Variants in CNGB1 observed in about 807,000 individuals in gnomAD.
CNGB1 encodes cyclic nucleotide-gated channel beta-1.
A neutral mutation model predicts 151.7 loss-of-function variants in CNGB1; 126 were observed. The ratio of observed to expected loss-of-function variants is 0.83; its 90% confidence interval spans 0.72 to 0.96. The LOEUF (loss-of-function observed/expected upper bound fraction) is 0.96, where lower values mean the gene tolerates loss of function less well. Ranked by LOEUF, CNGB1 falls within the 40% of genes least tolerant of loss-of-function variation. The pLI is 0.00. For missense variants in CNGB1, 1,698 were observed against 1,627.0 expected, an observed-to-expected ratio of 1.04 and a Z score of -0.75; for synonymous variants, 623 against 635.1, an observed-to-expected ratio of 0.98 and a Z score of 0.29.
intron 27 of CNGB1, among the ~76,000 whole-genome samples, chr16:57,903,231 C>T (rs1451134526): frequency 1.0e-4 from 15 of 149,758 alleles, no homozygotes; most frequent in Admixed American, 4.7e-4. Flanking sequence ...CGGCCTCACA[C>T]CTGTAATCCC....
At chr16:57,951,193 A>G (rs529415712) in intron 12 of CNGB1, among the ~76,000 whole-genome samples, 1 of 152,276 alleles carries the variant, frequency 6.6e-6, no homozygotes, top group African/African-American at 2.4e-5. Context: ...TGGGCCTATA[A>G]GCCTGGCAGA....
chr16:57,955,125 T>A, intron 12 of CNGB1: 1 of 1,433,270 alleles, frequency 7.0e-7, no homozygotes, highest in Non-Finnish European at 9.1e-7. Context: ...ATGGCTGGCC[T>A]TCCCCTTGTT....
At chr16:57,890,559 G>T (rs2149352863) in intron 31 of CNGB1, among the ~76,000 whole-genome samples, 1 of 152,324 alleles carries the variant, frequency 6.6e-6, no homozygotes, top group Non-Finnish European at 1.5e-5. Context: ...AGGGAAATTT[G>T]TCCTCATTTT....
At chr16:57,939,696 T>C (rs902498868) in intron 15 of CNGB1, 104 bp from the exon 16 acceptor site, 7 of 1,498,396 alleles carry the variant, frequency 4.7e-6, no homozygotes, top group Non-Finnish European at 6.5e-6. Flanking sequence ...TGGGCCCAGT[T>C]CTGCTTCTTG....
intron 24 of CNGB1, 62 bp downstream of exon 24, chr16:57,912,868 G>A: frequency 6.6e-7 from 1 of 1,508,708 alleles, no homozygotes; most frequent in Non-Finnish European, 9.2e-7. Flanking sequence ...TGTATTGCGT[G>A]TGTTGTGTGT....
chr16:57,952,418 C>CTTCCT (rs760181462), intron 12 of CNGB1, among the ~76,000 whole-genome samples: 154 of 146,614 alleles, frequency 1.1e-3, no homozygotes, highest in Non-Finnish European at 1.9e-3. Flanking sequence ...TGCTTCCACA[C>CTTCCT]TTCCTTTCCT....
At chr16:57,939,387 C>T (rs368425019) in intron 16 of CNGB1, 43 bp downstream of exon 16, 6 of 1,613,222 alleles carry the variant, frequency 3.7e-6, no homozygotes, top group Non-Finnish European at 5.1e-6. Flanking sequence ...AAAAGGACCT[C>T]AGACATTCTT....
Position 57,904,721 on chromosome 16 carries a change from G to A in CNGB1, c.2634+13C>T. ...GTCAGGTGGGGTGGGAAGCTGGGCT[G>A]GTGCCCCGATACCTGTCCGATCATC... On this transcript the variant is annotated intron_variant, in intron 26 of 32. Coordinates refer to ENST00000251102, the MANE Select transcript of CNGB1 (RefSeq NM_001297.5). 6.2e-7 allele frequency: 1 copy of A among 1,613,950 alleles called. No homozygotes were observed. The highest frequency in any genetic ancestry group is 1.1e-5 in the South Asian group (1 of 91,070).
chr16:57,920,279 TG>T, intron 19 of CNGB1, 107 bp downstream of exon 19: 1 of 1,281,282 alleles, frequency 7.8e-7, no homozygotes, highest in Non-Finnish European at 1.1e-6. Context: ...GCTTCTCTCA[TG>T]GACCTCAACC....
At chr16:57,907,060 G>A (rs530418493) in intron 25 of CNGB1, among the ~76,000 whole-genome samples, 6 of 152,292 alleles carry the variant, frequency 3.9e-5, no homozygotes, top group South Asian at 4.1e-4. Flanking sequence ...ACTCGTACTC[G>A]GTTCACATGT....
rs376249665 is a variant in CNGB1 at position 57,939,633 on chromosome 16, C to G, written c.1210-41G>C. ...TGAAAACAGAAACTGTGACCATCAG[C>G]CCCCAGCCCTAGTCTCAGCAGCTCC... On this transcript the variant is annotated intron_variant, in intron 15 of 32. Transcript: ENST00000251102. 1.4e-5 allele frequency: 23 copies of G among 1,613,108 alleles called. No homozygotes were observed. The African/African-American group carries it at 2.9e-4, about 21-fold the overall frequency.
chr16:57,950,399 G>A lies in CNGB1; in HGVS notation c.1016C>T (p.Ala339Val), dbSNP rs1188031766. ...VVPAYEEENK[A>V]VEKMPRELSR... ...TCCCCACCTGGGCATCTTCTCCACA[G>A]CTTTGTTCTCTTCTTCATAAGCTGG... The change falls in exon 13 of 33, where the codon GCT becomes GTT. Residue 339 changes from alanine (A) to valine (V), a missense_variant. Transcript: ENST00000251102. 3 of 1,614,106 alleles carry A rather than the reference G, an allele frequency of 1.9e-6. No homozygotes were observed. In the East Asian group the frequency reaches 6.7e-5, roughly 36 times the overall value.
chr16:57,916,158 T>C lies in CNGB1; in HGVS notation c.2188A>G (p.Asn730Asp). 6.2e-7 allele frequency: 1 copy of C among 1,613,998 alleles called. No homozygotes were observed. Among genetic ancestry groups the C allele is most frequent in the Middle Eastern group, 1.6e-4 (1 of 6,062 alleles). Residue 730 changes from asparagine (N) to aspartate (D), a missense_variant, in exon 22 of 33, where the codon AAT (asparagine) becomes GAT (aspartate). Physicochemically the swap from Asn to Asp is conservative, Grantham distance 23 (BLOSUM62 1). Coordinates refer to ENST00000251102, the MANE Select transcript of CNGB1 (RefSeq NM_001297.5). ...DIITDKKDMR[N>D]NYLKSRRFKM... ...AAGCGGCGAGACTTCAGGTAGTTAT[T>C]TCGCATGTCCTTTTTGTCCGTCTGA...
At chr16:57,899,333 T>A (rs950211490) in intron 29 of CNGB1, among the ~76,000 whole-genome samples, 4 of 144,710 alleles carry the variant, frequency 2.8e-5, no homozygotes, top group Admixed American at 6.7e-5. Context: ...AAAAAAAAAA[T>A]AATAATAATA....
At chr16:57,925,758 G>A (rs1961166962) in intron 17 of CNGB1, among the ~76,000 whole-genome samples, 1 of 152,114 alleles carries the variant, frequency 6.6e-6, no homozygotes, top group Non-Finnish European at 1.5e-5. Context: ...CGCAAGCTCA[G>A]CTCACTGCAA....
At chr16:57,958,921 CTTTTTTTTT>C (rs10708381) in intron 10 of CNGB1, among the ~76,000 whole-genome samples, 14 of 119,844 alleles carry the variant, frequency 1.2e-4, no homozygotes, top group African/African-American at 4.3e-4. Flanking sequence ...TCATGCCCAG[CTTTTTTTTT>C]TTTTTTTTTT....
rs1008962391 is a variant in CNGB1 at position 57,932,666 on chromosome 16, G to A, written c.1373-788C>T. ...ACAGTCTCGGCTCATTGCAAGCTCC[G>A]CCTCCCAGGGTTCATGCCATTCTCC... is the stretch of plus-strand genomic sequence containing the variant. On this transcript the variant is annotated intron_variant, in intron 16 of 32. Transcript: ENST00000251102. Among the ~76,000 whole-genome samples the A allele has an allele frequency of 6.0e-5, 9 of 148,990 alleles. No individual in the cohort carries two copies. The East Asian group carries it at 1.6e-3, about 26-fold the overall frequency.
At chr16:57,903,770 G>A (rs1362019148) in intron 27 of CNGB1, 52 bp downstream of exon 27, 1 of 1,610,238 alleles carries the variant, frequency 6.2e-7, no homozygotes, top group African/African-American at 1.3e-5. Context: ...CCGGGCACCA[G>A]GCGACAGGAG....
At chr16:57,961,983 A>C (rs1331468514) in intron 7 of CNGB1, among the ~76,000 whole-genome samples, 4 of 152,362 alleles carry the variant, frequency 2.6e-5, no homozygotes, top group Admixed American at 2.6e-4. Flanking sequence ...AGGGTTTTAC[A>C]TAAAAAGCTA....
Sources: gnomAD v4.1 joint callset for allele counts (sites outside exome capture counted in the v4.1 genomes callset) on GRCh38, gnomAD v4.1.1 for gene constraint, MANE v1.5 for transcripts, NCBI Gene and HGNC (gene_info 2026-07-23, HGNC 2026-07-21) for gene names.